HMGCLL1: variants seen among roughly 807,000 people sequenced by gnomAD.
HMGCLL1 encodes 3-hydroxy-3-methylglutaryl-CoA lyase like 1, also known as 3-hydroxymethyl-3-methylglutaryl-CoA lyase, cytoplasmic.
HMGCLL1 carries 36 observed loss-of-function variants against 39.1 expected under a neutral mutation model. The observed-to-expected ratio is 0.92, with a 90% confidence interval of 0.71 to 1.22. HMGCLL1 has a LOEUF of 1.22. HMGCLL1 is among the 50% of genes most tolerant of loss of function. The probability of loss-of-function intolerance (pLI) is 0.00; values close to 1 mark genes in which losing one functional copy is unlikely to be tolerated. For missense variants in HMGCLL1, 451 were observed against 416.5 expected (o/e 1.08, Z -0.72); for synonymous variants, 149 against 144.0 (o/e 1.03, Z -0.25).
chr6:55,547,973 C>T (rs1266277642), intron 1 of HMGCLL1, among the ~76,000 whole-genome samples: 2 of 151,998 alleles, frequency 1.3e-5, no homozygotes, highest in Non-Finnish European at 2.9e-5. Flanking sequence ...GGAAAGGTGA[C>T]TCAACAAAGC....
At chr6:55,677,913 C>T in the HMGCLL1 span, among the ~76,000 whole-genome samples, 2 of 152,128 alleles carry the variant, frequency 1.3e-5, no homozygotes, top group African/African-American at 4.8e-5. Context: ...CTATCTGTAA[C>T]GTGTAAGAAC....
chr6:55,486,881 TG>T (rs1001752746), intron 7 of HMGCLL1, among the ~76,000 whole-genome samples: 1 of 152,122 alleles, frequency 6.6e-6, no homozygotes, highest in African/African-American at 2.4e-5. Flanking sequence ...CAGTATCTGG[TG>T]AGGGCTGTTT....
chr6:55,602,143 G>A, the HMGCLL1 span, among the ~76,000 whole-genome samples: 1 of 152,024 alleles, frequency 6.6e-6, no homozygotes, highest in Non-Finnish European at 1.5e-5. Context: ...AAAATACATG[G>A]TCAAATAATC....
chr6:55,518,390 GT>G (rs1767860513), intron 3 of HMGCLL1, among the ~76,000 whole-genome samples: 1 of 152,112 alleles, frequency 6.6e-6, no homozygotes, highest in Non-Finnish European at 1.5e-5. Context: ...CTGTGGCATT[GT>G]TCCAACAAAA....
intron 5 of HMGCLL1, among the ~76,000 whole-genome samples, chr6:55,501,275 A>G (rs953288151): frequency 2.0e-5 from 3 of 151,906 alleles, no homozygotes; most frequent in Non-Finnish European, 4.4e-5. Context: ...TGGTACACTA[A>G]GGCCCAGAGA....
intron 7 of HMGCLL1, among the ~76,000 whole-genome samples, chr6:55,458,063 T>C (rs1764401970): frequency 6.6e-6 from 1 of 152,180 alleles, no homozygotes; most frequent in African/African-American, 2.4e-5. Flanking sequence ...ATTCACTAGA[T>C]ACCTTTTCTA....
At chr6:55,520,891 T>C (rs1373793723) in intron 3 of HMGCLL1, among the ~76,000 whole-genome samples, 1 of 146,322 alleles carries the variant, frequency 6.8e-6, no homozygotes, top group African/African-American at 2.5e-5. Context: ...AAAAAAAAAA[T>C]AGGCCTACCA....
chr6:55,490,535 G>T (rs1161924711), intron 7 of HMGCLL1, among the ~76,000 whole-genome samples: 1 of 152,062 alleles, frequency 6.6e-6, no homozygotes, highest in African/African-American at 2.4e-5. Context: ...GAGTGGCAGG[G>T]TGGGTTTAGA....
intron 3 of HMGCLL1, among the ~76,000 whole-genome samples, chr6:55,518,849 C>T (rs1054492838): frequency 7.9e-5 from 12 of 152,234 alleles, no homozygotes; most frequent in African/African-American, 2.9e-4. Flanking sequence ...CACAACCTGT[C>T]CCCCATGTCC....
the HMGCLL1 span, among the ~76,000 whole-genome samples, chr6:55,667,161 G>A: frequency 6.6e-6 from 1 of 151,664 alleles, no homozygotes. Flanking sequence ...TTAGCATTGA[G>A]AAGCCCTTTA....
At position 55,542,171 on chromosome 6, in the gene HMGCLL1, G is replaced by A. The variant is rs201294383; in HGVS notation, c.109-31C>T. ...ATGCAAAATGTAAGAACAAGATAAC[G>A]TAACTTTTAGATTGTTACATTTGCT... is the stretch of plus-strand genomic sequence containing the variant. On this transcript the variant is annotated intron_variant, in intron 1 of 8. Transcript: ENST00000274901. 96 of 1,426,078 alleles carry A rather than the reference G, an allele frequency of 6.7e-5. No homozygotes were observed. In the African/African-American group the frequency reaches 7.2e-4, roughly 11 times the overall value. The allele number at this position is 1,426,078 out of a possible 1,614,324, so 88.3% of individuals were successfully genotyped here. A position where few individuals can be genotyped will look rare whatever the true frequency, so the allele number is the denominator to read the frequency against.
intron 1 of HMGCLL1, among the ~76,000 whole-genome samples, chr6:55,568,877 A>AG (rs1771339405): frequency 6.6e-6 from 1 of 152,070 alleles, no homozygotes; most frequent in African/African-American, 2.4e-5. Context: ...ACACACACAA[A>AG]CAGCTAAACT....
At chr6:55,589,745 T>C in the HMGCLL1 span, among the ~76,000 whole-genome samples, 1 of 152,044 alleles carries the variant, frequency 6.6e-6, no homozygotes, top group East Asian at 1.9e-4. Flanking sequence ...ACAAGCATTC[T>C]TATACACCAA....
chr6:55,564,103 G>A (rs562245951), intron 1 of HMGCLL1, among the ~76,000 whole-genome samples: 33 of 152,132 alleles, frequency 2.2e-4, no homozygotes, highest in African/African-American at 7.9e-4. Context: ...ACTGGCTCTG[G>A]GCTCCTGAGA....
chr6:55,514,139 T>A lies in HMGCLL1; in HGVS notation c.451A>T (p.Lys151Ter), dbSNP rs1167687246. Residue 151 changes from lysine (K) to a stop codon, truncating the protein, a stop_gained, in exon 5 of 9, where the codon AAG (lysine) becomes TAG (stop). Transcript: ENST00000274901. LOFTEE classifies it high-confidence loss of function. ...VFGAASESFS[K>*]KNINCSIEES... is the part of the protein sequence containing the mutation. ...TCAATGGAACAGTTAATATTCTTCTTGCTAAAGGATTCAGATGCAGCTCCA... is the reference window on the plus strand; with the variant it reads ...TCAATGGAACAGTTAATATTCTTCTAGCTAAAGGATTCAGATGCAGCTCCA... 2 of 1,612,582 alleles carry A rather than the reference T, an allele frequency of 1.2e-6. No homozygotes were observed. Among genetic ancestry groups the A allele is most frequent in the East Asian group, 2.2e-5 (1 of 44,732 alleles).
chr6:55,652,041 A>G, the HMGCLL1 span, among the ~76,000 whole-genome samples: 1 of 152,186 alleles, frequency 6.6e-6, no homozygotes, highest in African/African-American at 2.4e-5. Context: ...ATATGAAGTT[A>G]AAACCACGTA....
intron 3 of HMGCLL1, among the ~76,000 whole-genome samples, chr6:55,517,078 A>G (rs767222668): frequency 2.6e-5 from 4 of 152,112 alleles, no homozygotes; most frequent in Non-Finnish European, 5.9e-5. Context: ...CAAGGCTGAG[A>G]TCCCAGAATG....
intron 4 of HMGCLL1, among the ~76,000 whole-genome samples, chr6:55,516,127 C>T (rs12202012): frequency 0.016 from 2,416 of 152,022 alleles, 29 homozygotes; most frequent in Middle Eastern, 0.031. Flanking sequence ...AAAAGCTGAT[C>T]AACAAAGGTT....
chr6:55,581,309 T>C (rs1771983161), upstream of HMGCLL1, among the ~76,000 whole-genome samples: 1 of 152,134 alleles, frequency 6.6e-6, no homozygotes, highest in Non-Finnish European at 1.5e-5. Context: ...CTTATAAATA[T>C]AAAAGTATTT....
Sources: gnomAD v4.1 joint callset for allele counts (sites outside exome capture counted in the v4.1 genomes callset) on GRCh38, gnomAD v4.1.1 for gene constraint, MANE v1.5 for transcripts, NCBI Gene and HGNC (gene_info 2026-07-23, HGNC 2026-07-21) for gene names.